The following CAMK4 variants were observed in gnomAD, a reference collection of about 807,000 sequenced individuals.
CAMK4 encodes the protein calcium/calmodulin-dependent protein kinase type IV.
A neutral mutation model predicts 44.9 loss-of-function variants in CAMK4; 22 were observed. That is an observed-to-expected ratio of 0.49 (90% CI 0.35 to 0.70). CAMK4 has a LOEUF of 0.70. Ranked by LOEUF, CAMK4 falls within the 30% of genes least tolerant of loss-of-function variation. The pLI, the probability that CAMK4 is intolerant of heterozygous loss-of-function variation, is 0.01. For synonymous variants in CAMK4, 218 were observed against 215.4 expected (o/e 1.01, Z -0.11); for missense variants, 498 against 586.8 (o/e 0.85, Z 1.56).
At chr5:111,330,809 C>T (rs1749135841) in intron 1 of CAMK4, among the ~76,000 whole-genome samples, 1 of 151,568 alleles carries the variant, frequency 6.6e-6, no homozygotes, top group African/African-American at 2.4e-5. Flanking sequence ...AGAGTCCTGG[C>T]ACAGATCCAT....
intron 1 of CAMK4, among the ~76,000 whole-genome samples, chr5:111,254,458 G>A (rs1448318896): frequency 6.6e-6 from 1 of 152,210 alleles, no homozygotes; most frequent in African/African-American, 2.4e-5. Context: ...ACAGGGAACA[G>A]ACCTGCTAAC....
chr5:111,416,040 G>C (rs1752803343), intron 5 of CAMK4, among the ~76,000 whole-genome samples: 1 of 152,106 alleles, frequency 6.6e-6, no homozygotes, highest in African/African-American at 2.4e-5. Context: ...CAATCCCTCA[G>C]GGATACTGAG....
chr5:111,224,328 T>A (rs1024771725), upstream of CAMK4: 22 of 1,116,984 alleles, frequency 2.0e-5, no homozygotes, highest in Non-Finnish European at 2.5e-5. This position sits in a 1 kb window ranked among gnomAD's most constrained non-coding sequence, Gnocchi z 5.7. Context: ...CCGCCCACCG[T>A]CCCTGCGAGC....
chr5:111,468,636 G>T (rs1273692358), intron 7 of CAMK4, among the ~76,000 whole-genome samples: 1 of 152,188 alleles, frequency 6.6e-6, no homozygotes, highest in Non-Finnish European at 1.5e-5. Context: ...TAGATTGCTA[G>T]AGTGTGTTCT....
At chr5:111,247,298 T>C (rs996082631) in intron 1 of CAMK4, among the ~76,000 whole-genome samples, 4 of 147,914 alleles carry the variant, frequency 2.7e-5, no homozygotes, top group Non-Finnish European at 6.0e-5. Flanking sequence ...TTATATTAAA[T>C]ATAAATTATT....
chr5:111,484,150 T>C lies in CAMK4; in HGVS notation c.1106T>C (p.Met369Thr). Residue 369 changes from methionine (M) to threonine (T), a missense_variant, in exon 11 of 11, where the codon ATG becomes ACG. Transcript: ENST00000282356. The surrounding 1 kb of genome is among the most constrained non-coding windows in gnomAD (Gnocchi z 5.3). ...PSPIQDGNED[M>T]KAIPEGEKIQ... ...CCAATCCAAGATGGCAACGAGGACATGAAAGCTATTCCAGAAGGAGAGAAA... is the reference window on the plus strand; with the variant it reads ...CCAATCCAAGATGGCAACGAGGACACGAAAGCTATTCCAGAAGGAGAGAAA... 6.2e-7 allele frequency: 1 copy of C among 1,614,092 alleles called. No individual in the cohort carries two copies.
intron 1 of CAMK4, among the ~76,000 whole-genome samples, chr5:111,233,344 C>T (rs1289091037): frequency 6.6e-6 from 1 of 152,200 alleles, no homozygotes; most frequent in Non-Finnish European, 1.5e-5. Context: ...TCAAAATCTA[C>T]TGAAACTGCT....
At chr5:111,393,261 T>C (rs1413895829) in intron 4 of CAMK4, among the ~76,000 whole-genome samples, 1 of 152,130 alleles carries the variant, frequency 6.6e-6, no homozygotes, top group Non-Finnish European at 1.5e-5. Flanking sequence ...CTTGTGAAAA[T>C]ACACAATACT....
chr5:111,450,065 T>C (rs1186297090), intron 7 of CAMK4, among the ~76,000 whole-genome samples: 1 of 152,152 alleles, frequency 6.6e-6, no homozygotes, highest in African/African-American at 2.4e-5. Context: ...ATGCCTATAA[T>C]CCCAGCACTT....
intron 2 of CAMK4, among the ~76,000 whole-genome samples, chr5:111,344,917 A>G (rs894071485): frequency 6.6e-6 from 1 of 151,958 alleles, no homozygotes; most frequent in African/African-American, 2.4e-5. Flanking sequence ...AACCACAAAA[A>G]GACAAGATAT....
At chr5:111,358,961 T>C (rs1264671746) in intron 2 of CAMK4, among the ~76,000 whole-genome samples, 1 of 152,182 alleles carries the variant, frequency 6.6e-6, no homozygotes, top group Non-Finnish European at 1.5e-5. Flanking sequence ...CCACATTTTC[T>C]TTATTCAGTT....
At chr5:111,431,829 A>C (rs1378725387) in intron 5 of CAMK4, among the ~76,000 whole-genome samples, 1 of 152,208 alleles carries the variant, frequency 6.6e-6, no homozygotes, top group African/African-American at 2.4e-5. Context: ...TCACCCAGTT[A>C]AAGTGGCTTA....
chr5:111,230,183 G>T (rs969892668), intron 1 of CAMK4, among the ~76,000 whole-genome samples: 1 of 152,130 alleles, frequency 6.6e-6, no homozygotes, highest in Non-Finnish European at 1.5e-5. Context: ...ATCTCAATCA[G>T]CATTGGTTTT....
At chr5:111,412,756 C>G (rs892035369) in intron 5 of CAMK4, among the ~76,000 whole-genome samples, 2 of 152,158 alleles carry the variant, frequency 1.3e-5, no homozygotes, top group African/African-American at 4.8e-5. Flanking sequence ...TTCCATAAGA[C>G]ACAGCTACCA....
chr5:111,422,423 G>A (rs1030997142), intron 5 of CAMK4, among the ~76,000 whole-genome samples: 9 of 152,110 alleles, frequency 5.9e-5, no homozygotes, highest in African/African-American at 2.2e-4. Flanking sequence ...TTGCATAGTT[G>A]CTCACCAGTG....
intron 5 of CAMK4, among the ~76,000 whole-genome samples, chr5:111,421,275 T>A (rs975123152): frequency 6.6e-6 from 1 of 152,238 alleles, no homozygotes; most frequent in Non-Finnish European, 1.5e-5. Flanking sequence ...GGAAACAGGT[T>A]AACCTGATTT....
At position 111,224,875 on chromosome 5, in the gene CAMK4, C is replaced by G. The variant is rs1181616201; in HGVS notation, c.161+231C>G. Among the ~76,000 whole-genome samples, 1 of 152,148 alleles carries G rather than the reference C, an allele frequency of 6.6e-6. No homozygotes were observed. The highest frequency in any genetic ancestry group is 1.9e-4 in the East Asian group (1 of 5,160). ...GTAGGATCAGCCCGACTCCCTCCCACCTTCCCTCCTTCTCGCAGGCTGCCA... is the reference window on the plus strand; with the variant it reads ...GTAGGATCAGCCCGACTCCCTCCCAGCTTCCCTCCTTCTCGCAGGCTGCCA... On this transcript the variant is annotated intron_variant, in intron 1 of 10. Coordinates refer to ENST00000282356, the MANE Select transcript of CAMK4 (RefSeq NM_001744.6). This position sits in a 1 kb window ranked among gnomAD's most constrained non-coding sequence, Gnocchi z 5.7.
intron 1 of CAMK4, among the ~76,000 whole-genome samples, chr5:111,278,559 A>G (rs989281353): frequency 2.0e-5 from 3 of 152,270 alleles, no homozygotes; most frequent in African/African-American, 7.2e-5. Flanking sequence ...GTAGCTAAAT[A>G]TAAAAACATT....
chr5:111,343,376 C>G (rs1351456713), intron 1 of CAMK4, among the ~76,000 whole-genome samples: 1 of 151,728 alleles, frequency 6.6e-6, no homozygotes, highest in Non-Finnish European at 1.5e-5. Flanking sequence ...GTCTATATTT[C>G]TCTTTTATCT....
Sources: allele counts gnomAD v4.1 joint callset (sites outside exome capture counted in the v4.1 genomes callset), GRCh38; gene constraint gnomAD v4.1.1; non-coding constraint Gnocchi (gnomAD v3.1); transcripts MANE v1.5; gene names NCBI Gene and HGNC (gene_info 2026-07-23, HGNC 2026-07-21).